The following EPS8 variants were observed in gnomAD, a reference collection of about 807,000 sequenced individuals.
EPS8 encodes EGFR pathway substrate 8, signaling adaptor, also known as epidermal growth factor receptor kinase substrate 8.
Under a neutral mutation model 103.8 loss-of-function variants are expected in EPS8, and 42 were observed. That is an observed-to-expected ratio of 0.40 (90% CI 0.32 to 0.52). The LOEUF (loss-of-function observed/expected upper bound fraction) is 0.52, where lower values mean the gene tolerates loss of function less well. Among genes scored for constraint, EPS8 ranks in the 20% least tolerant of loss-of-function variants. The pLI is 0.40. For synonymous variants in EPS8, 344 were observed against 344.6 expected, an observed-to-expected ratio of 1.00 and a Z score of 0.02; for missense variants, 969 against 1,005.1, an observed-to-expected ratio of 0.96 and a Z score of 0.49.
chr12:15,750,107 G>A (rs1157584575), intron 1 of EPS8, among the ~76,000 whole-genome samples: 1 of 152,106 alleles, frequency 6.6e-6, no homozygotes, highest in African/African-American at 2.4e-5. Flanking sequence ...GAGTGACAAC[G>A]ATCTCCCACC....
chr12:15,623,349 A>G, intron 19 of EPS8, 62 bp from the exon 20 acceptor site: 1 of 1,466,134 alleles, frequency 6.8e-7, no homozygotes, highest in Non-Finnish European at 9.3e-7. Flanking sequence ...AACAAAGGAG[A>G]AAATTATCTG....
intron 1 of EPS8, among the ~76,000 whole-genome samples, chr12:15,691,966 C>T (rs934543801): frequency 2.0e-5 from 3 of 152,126 alleles, no homozygotes; most frequent in South Asian, 2.1e-4. Context: ...ATTACTCTAA[C>T]ATTTCTGTCT....
chr12:15,636,725 T>C (rs79837600), intron 17 of EPS8, among the ~76,000 whole-genome samples: 2,034 of 152,342 alleles, frequency 0.013, 24 homozygotes, highest in African/African-American at 0.031. Context: ...AGATGTTGCA[T>C]GGAAATAGTT....
rs1276205243 is a variant in EPS8, at chr12:15,760,521, T to G, written c.-22+28640A>C. On this transcript the variant is annotated intron_variant, in intron 1 of 20. Transcript: ENST00000281172. This position sits in a 1 kb window ranked among gnomAD's most constrained non-coding sequence, Gnocchi z 4.5. ...AAAAAGGGAAACTATGAGCCATATCTCCAATAAATATTGATGCACAAATCC... is the reference window on the plus strand; with the variant it reads ...AAAAAGGGAAACTATGAGCCATATCGCCAATAAATATTGATGCACAAATCC... Among the ~76,000 whole-genome samples, 1 of 151,900 alleles carries G rather than the reference T, an allele frequency of 6.6e-6. No homozygotes were observed. The highest frequency in any genetic ancestry group is 1.9e-4 in the East Asian group (1 of 5,186).
chr12:15,726,987 AT>A (rs1262749156), intron 1 of EPS8, among the ~76,000 whole-genome samples: 1 of 152,218 alleles, frequency 6.6e-6, no homozygotes, highest in Non-Finnish European at 1.5e-5. Context: ...AACTGTACTA[AT>A]TTAAACATAT....
rs767928631 is a variant in EPS8, at chr12:15,660,762, T to C, written c.811-22A>G. On this transcript the variant is annotated intron_variant, in intron 9 of 20. Transcript: ENST00000281172. ...TTTGCTGAAATTAGAAATTATAGAA[T>C]AAAATATAAAACAAAACTATTTTTA... The C allele has an allele frequency of 2.8e-5, 39 of 1,387,468 alleles. 2 individuals are homozygous for C. In the South Asian group the frequency reaches 4.6e-4, roughly 17 times the overall value. 85.9% of individuals were successfully genotyped at this position (1,387,468 alleles called of 1,614,324 possible). A position where few individuals can be genotyped will look rare whatever the true frequency, so the allele number is the denominator to read the frequency against.
Position 15,749,717 on chromosome 12 carries a change from G to A in EPS8, c.-22+39444C>T, listed in dbSNP as rs1241129871. Among the ~76,000 whole-genome samples the A allele has an allele frequency of 6.6e-6, 1 of 152,018 alleles. No individual in the cohort carries two copies. Among genetic ancestry groups the A allele is most frequent in the Non-Finnish European group, 1.5e-5 (1 of 68,006 alleles). ...GTTCATAATATCTTCATATTGCATT[G>A]TTCATTAAAATCAAATATAAAATTA... On this transcript the variant is annotated intron_variant, in intron 1 of 20. Coordinates refer to ENST00000281172, the MANE Select transcript of EPS8 (RefSeq NM_004447.6). The surrounding 1 kb of genome is among the most constrained non-coding windows in gnomAD (Gnocchi z 4.0).
At position 15,735,008 on chromosome 12, in the gene EPS8, A is replaced by C. The variant is rs1468565028; in HGVS notation, c.-21-52036T>G. On this transcript the variant is annotated intron_variant, in intron 1 of 20. Transcript: ENST00000281172. The surrounding 1 kb of genome is among the most constrained non-coding windows in gnomAD (Gnocchi z 4.4). ...CATCTGTAGCACAGCCCAGGTATTG[A>C]CAGGGAGCTCCGAATGCCTAGCCTG... Among the ~76,000 whole-genome samples the C allele has an allele frequency of 6.6e-6, 1 of 152,132 alleles. No individual in the cohort carries two copies. The highest frequency in any genetic ancestry group is 1.5e-5 in the Non-Finnish European group (1 of 68,036).
At chr12:15,722,133 A>G (rs1467031705) in intron 1 of EPS8, among the ~76,000 whole-genome samples, 1 of 151,814 alleles carries the variant, frequency 6.6e-6, no homozygotes, top group East Asian at 1.9e-4. Flanking sequence ...CCTGGGCTAC[A>G]ATGGAAGAAG....
intron 1 of EPS8, among the ~76,000 whole-genome samples, chr12:15,768,481 A>G (rs1947120850): frequency 2.0e-5 from 3 of 150,042 alleles, no homozygotes; most frequent in Non-Finnish European, 3.0e-5. Context: ...AGGTAGTGAG[A>G]TAAGTTCCCC....
chr12:15,667,715 T>C (rs982413487), intron 6 of EPS8, among the ~76,000 whole-genome samples: 21 of 152,114 alleles, frequency 1.4e-4, no homozygotes, highest in African/African-American at 4.6e-4. Context: ...CAATGAGCCA[T>C]ATAAAAGAAA....
At chr12:15,665,485 C>A (rs937889836) in intron 8 of EPS8, 2 of 371,536 alleles carry the variant, frequency 5.4e-6, no homozygotes, top group Non-Finnish European at 9.8e-6. Flanking sequence ...CGCATGCCAC[C>A]ACACCCACCT....
chr12:15,647,349 T>C (rs2135776152), intron 14 of EPS8, 89 bp from the exon 15 acceptor site: 2 of 1,155,102 alleles, frequency 1.7e-6, no homozygotes, highest in East Asian at 2.5e-5. Flanking sequence ...TCAACTATAT[T>C]GTGATAAGTT....
rs1947106256 is a variant in EPS8 at position 15,767,047 on chromosome 12, G to A, written c.-22+22114C>T. On this transcript the variant is annotated intron_variant, in intron 1 of 20. Transcript: ENST00000281172. The surrounding 1 kb of genome is among the most constrained non-coding windows in gnomAD (Gnocchi z 5.5). ...TATATATGATGACAATGATGATGGT[G>A]GTGGTGAGAATGATGATGGAGACAA... Among the ~76,000 whole-genome samples, 2 of 152,162 alleles carry A rather than the reference G, an allele frequency of 1.3e-5. No individual in the cohort carries two copies. The highest frequency in any genetic ancestry group is 1.3e-4 in the Admixed American group (2 of 15,274).
intron 18 of EPS8, among the ~76,000 whole-genome samples, chr12:15,626,353 A>T (rs1261296803): frequency 1.3e-5 from 2 of 152,094 alleles, no homozygotes; most frequent in Non-Finnish European, 2.9e-5. Context: ...AATGTAAGTC[A>T]GGCTAGGTGG....
chr12:15,711,339 A>C (rs1052136128), intron 1 of EPS8, among the ~76,000 whole-genome samples: 4 of 152,198 alleles, frequency 2.6e-5, no homozygotes, highest in Non-Finnish European at 5.9e-5. Context: ...AATTTATGTC[A>C]GAACTATTTA....
In EPS8 at chr12:15,620,586, A is replaced by T. The variant is rs1430257978; in HGVS notation, c.*731T>A. On this transcript the variant is annotated 3_prime_UTR_variant, in exon 21 of 21. Coordinates refer to ENST00000281172, the MANE Select transcript of EPS8 (RefSeq NM_004447.6). ...AGACTACTTCCTTTGCTAGATTTTGAGAAGACATGACCTCTTTCGCATTTG... is the reference window on the plus strand; with the variant it reads ...AGACTACTTCCTTTGCTAGATTTTGTGAAGACATGACCTCTTTCGCATTTG... 6.6e-6 allele frequency: 1 copy of T among 152,644 alleles called. No homozygotes were observed. Among genetic ancestry groups the T allele is most frequent in the African/African-American group, 2.4e-5 (1 of 41,458 alleles). The allele number at this position is 152,644 out of a possible 1,614,324, so 9.5% of individuals were successfully genotyped here. A position where few individuals can be genotyped will look rare whatever the true frequency, so the allele number is the denominator to read the frequency against.
In EPS8 at chr12:15,771,255, G is replaced by T. The variant is rs946388538; in HGVS notation, c.-22+17906C>A. On this transcript the variant is annotated intron_variant, in intron 1 of 20. Transcript: ENST00000281172. This position sits in a 1 kb window ranked among gnomAD's most constrained non-coding sequence, Gnocchi z 4.6. ...ACTGGGAAAACTGAAGTATACAGAT[G>T]AAAGTGTATAGTACCTCACTTTGGC... 6.6e-6 allele frequency among the ~76,000 whole-genome samples: 1 copy of T among 152,196 alleles called. No individual in the cohort carries two copies. Among genetic ancestry groups the T allele is most frequent in the African/African-American group, 2.4e-5 (1 of 41,440 alleles).
At position 15,785,238 on chromosome 12, in the gene EPS8, GCTGA is replaced by G. The variant is rs1947300019; in HGVS notation, c.-22+3919_-22+3922del. On this transcript the variant is annotated intron_variant, in intron 1 of 20. Transcript: ENST00000281172. This position sits in a 1 kb window ranked among gnomAD's most constrained non-coding sequence, Gnocchi z 4.9. ...AAAAGGATAGGAGGAAAGGTGCTTAGCTGACTAACTCTAGAAATGAGTAGAAGCT... is the reference window on the plus strand; with the variant it reads ...AAAAGGATAGGAGGAAAGGTGCTTAGCTAACTCTAGAAATGAGTAGAAGCT... Among the ~76,000 whole-genome samples the G allele has an allele frequency of 6.6e-6, 1 of 152,138 alleles. No homozygotes were observed. Among genetic ancestry groups the G allele is most frequent in the African/African-American group, 2.4e-5 (1 of 41,460 alleles).
Sources: gnomAD v4.1 joint callset for allele counts (sites outside exome capture counted in the v4.1 genomes callset) on GRCh38, gnomAD v4.1.1 for gene constraint, Gnocchi (gnomAD v3.1) non-coding constraint, MANE v1.5 for transcripts, NCBI Gene and HGNC (gene_info 2026-07-23, HGNC 2026-07-21) for gene names.